The following STPG2 variants were observed in gnomAD, a reference collection of about 807,000 sequenced individuals.
STPG2 encodes sperm tail PG-rich repeat containing 2.
A neutral mutation model predicts 54.2 loss-of-function variants in STPG2; 56 were observed. The observed-to-expected ratio is 1.03, with a 90% CI of 0.83 to 1.29. The LOEUF (loss-of-function observed/expected upper bound fraction) is 1.29. STPG2 is among the 50% of genes most tolerant of loss of function. STPG2 has a pLI of 0.00. For synonymous variants in STPG2, 200 were observed against 181.8 expected, an observed-to-expected ratio of 1.10 and a Z score of -0.81; for missense variants, 596 against 544.9, an observed-to-expected ratio of 1.09 and a Z score of -0.93.
intron 9 of STPG2, among the ~76,000 whole-genome samples, chr4:97,805,674 G>C (rs1727537553): frequency 6.6e-6 from 1 of 151,856 alleles, no homozygotes; most frequent in African/African-American, 2.4e-5. Flanking sequence ...TTAGGTCTTT[G>C]TTGAATGAAT....
At chr4:97,545,043 C>T (rs1731804868) in intron 4 of STPG2, among the ~76,000 whole-genome samples, 1 of 152,004 alleles carries the variant, frequency 6.6e-6, no homozygotes, top group Non-Finnish European at 1.5e-5. Flanking sequence ...AGATTATTGT[C>T]AAAAATTCAG....
At chr4:98,040,311 G>A (rs1578805580) in intron 5 of STPG2, among the ~76,000 whole-genome samples, 1 of 151,832 alleles carries the variant, frequency 6.6e-6, no homozygotes, top group East Asian at 1.9e-4. Context: ...CTATGCAGAA[G>A]CTTTTTAGTT....
intron 5 of STPG2, among the ~76,000 whole-genome samples, chr4:98,079,965 G>T (rs28728124): frequency 0.4 from 59,974 of 151,608 alleles, 12,049 homozygotes; most frequent in Middle Eastern, 0.46. Context: ...TTTTACTTTC[G>T]GAAATATGCT....
chr4:97,648,062 C>T (rs990493737), intron 10 of STPG2, among the ~76,000 whole-genome samples: 2 of 152,156 alleles, frequency 1.3e-5, no homozygotes, highest in African/African-American at 2.4e-5. Context: ...AGTCTCCCCA[C>T]TTAAGATAGG....
chr4:97,459,716 C>T (rs945596769), intron 4 of STPG2, among the ~76,000 whole-genome samples: 8 of 152,142 alleles, frequency 5.3e-5, no homozygotes, highest in African/African-American at 1.4e-4. Context: ...GCTGGGATTA[C>T]AGGCGTGAGC....
intron 5 of STPG2, among the ~76,000 whole-genome samples, chr4:98,097,631 A>G (rs917537873): frequency 6.6e-6 from 1 of 152,176 alleles, no homozygotes; most frequent in Non-Finnish European, 1.5e-5. Flanking sequence ...AGCTAGAGAA[A>G]TCAGACAAGA....
intron 8 of STPG2, among the ~76,000 whole-genome samples, chr4:97,885,448 G>T (rs956241804): frequency 1.3e-5 from 2 of 152,104 alleles, no homozygotes; most frequent in African/African-American, 2.4e-5. Context: ...AGAGAAAATA[G>T]AATTGTGAAA....
chr4:97,875,721 T>A (rs1327233128), intron 8 of STPG2, among the ~76,000 whole-genome samples: 1 of 151,428 alleles, frequency 6.6e-6, no homozygotes, highest in Admixed American at 6.6e-5. Context: ...AAATTATAAT[T>A]AGTATGCAAA....
intron 8 of STPG2, among the ~76,000 whole-genome samples, chr4:97,903,852 A>G (rs148063150): frequency 0.13 from 19,403 of 152,206 alleles, 1,903 homozygotes; most frequent in African/African-American, 0.26. Flanking sequence ...GGCACCTGGA[A>G]AATCGGGTCA....
intron 4 of STPG2, among the ~76,000 whole-genome samples, chr4:97,506,374 G>A (rs887869445): frequency 5.9e-5 from 9 of 151,826 alleles, no homozygotes; most frequent in African/African-American, 1.9e-4. Context: ...GATTGGAGGC[G>A]CCGACCTGAA....
intron 10 of STPG2, among the ~76,000 whole-genome samples, chr4:97,579,253 TTA>T (rs1391651888): frequency 2.6e-5 from 4 of 152,046 alleles, no homozygotes; most frequent in Non-Finnish European, 5.9e-5. Flanking sequence ...CACAGGAGCT[TTA>T]TAGTATATAT....
chr4:98,135,265 A>G (rs115980425), intron 1 of STPG2, among the ~76,000 whole-genome samples: 9,313 of 151,870 alleles, frequency 0.061, 313 homozygotes, highest in Middle Eastern at 0.095. Flanking sequence ...GTGATAATCA[A>G]TATAGTAAAA....
chr4:97,785,213 C>T (rs1044887996), intron 9 of STPG2, among the ~76,000 whole-genome samples: 5 of 151,586 alleles, frequency 3.3e-5, no homozygotes, highest in Non-Finnish European at 1.5e-5. Flanking sequence ...AAATGAAAAC[C>T]AAATTTGGCA....
chr4:97,461,689 ATTTG>A (rs747402607), intron 4 of STPG2, among the ~76,000 whole-genome samples: 10 of 152,198 alleles, frequency 6.6e-5, no homozygotes, highest in Non-Finnish European at 8.8e-5. Context: ...TGTAGTTTTA[ATTTG>A]TTTATCACTT....
At chr4:97,816,756 CTTTT>C (rs1727924164) in intron 9 of STPG2, among the ~76,000 whole-genome samples, 1 of 144,814 alleles carries the variant, frequency 6.9e-6, no homozygotes, top group Non-Finnish European at 1.5e-5. Flanking sequence ...TTCTTTCTTT[CTTTT>C]TCTTTTCTTT....
rs145555738 is a variant in STPG2, at chr4:98,025,539, T to C, written c.613-44221A>G. On this transcript the variant is annotated intron_variant, in intron 5 of 10. Transcript: ENST00000295268. ...TATAAAACACCCAAATACAGGATGA[T>C]AGTTCGTGTAACAAACAGAGATATC... 110 of 705,284 alleles carry C rather than the reference T, an allele frequency of 1.6e-4. No homozygotes were observed. The East Asian group carries it at 2.4e-3, about 15-fold the overall frequency. 43.7% of individuals were successfully genotyped at this position (705,284 alleles called of 1,614,324 possible).
At chr4:97,641,237 C>T (rs970152088) in intron 10 of STPG2, among the ~76,000 whole-genome samples, 48 of 151,506 alleles carry the variant, frequency 3.2e-4, no homozygotes, top group African/African-American at 1.0e-3. Context: ...AAGGAATATA[C>T]AATGTAACTG....
At chr4:97,574,736 C>A (rs1018193831) in intron 10 of STPG2, among the ~76,000 whole-genome samples, 2 of 152,014 alleles carry the variant, frequency 1.3e-5, no homozygotes, top group Non-Finnish European at 2.9e-5. Context: ...GTCAGAAAGA[C>A]CTTTCTGCTT....
At chr4:97,782,608 G>T (rs912708163) in intron 9 of STPG2, among the ~76,000 whole-genome samples, 1 of 152,078 alleles carries the variant, frequency 6.6e-6, no homozygotes, top group African/African-American at 2.4e-5. Flanking sequence ...CGAAAAAAGC[G>T]CCTGCATTGC....
Sources: gnomAD v4.1 joint callset for allele counts (sites outside exome capture counted in the v4.1 genomes callset) on GRCh38, gnomAD v4.1.1 for gene constraint, MANE v1.5 for transcripts, NCBI Gene and HGNC (gene_info 2026-07-23, HGNC 2026-07-21) for gene names.